The following MLANA variants were observed in gnomAD, a reference collection of about 807,000 sequenced individuals.
The protein encoded by MLANA is melanoma antigen recognized by T-cells 1.
MLANA carries 21 observed loss-of-function variants against 15.7 expected under a neutral mutation model. That is an observed-to-expected ratio of 1.33 (90% CI 0.95 to 1.92). The LOEUF (loss-of-function observed/expected upper bound fraction) is 1.92, where lower values mean the gene tolerates loss of function less well. Ranked by LOEUF, MLANA falls within the 40% of genes most tolerant of loss-of-function variation. The pLI, the probability that MLANA is intolerant of heterozygous loss-of-function variation, is 0.00. For synonymous variants in MLANA, 56 were observed against 51.5 expected (o/e 1.09, Z -0.37); for missense variants, 164 against 143.8 (o/e 1.14, Z -0.72).
chr9:5,901,062 T>G (rs772520116), intron 3 of MLANA, among the ~76,000 whole-genome samples: 2 of 151,990 alleles, frequency 1.3e-5, no homozygotes, highest in Non-Finnish European at 1.5e-5. Flanking sequence ...AGTTTTAATG[T>G]AAATACAGAG....
intron 2 of MLANA, among the ~76,000 whole-genome samples, chr9:5,896,167 G>C (rs1449139626): frequency 1.3e-5 from 2 of 152,208 alleles, no homozygotes; most frequent in African/African-American, 2.4e-5. Context: ...TGGTTGTGCA[G>C]CCCTGGGCAC....
At chr9:5,899,476 C>T (rs965913267) in intron 3 of MLANA, among the ~76,000 whole-genome samples, 1 of 152,152 alleles carries the variant, frequency 6.6e-6, no homozygotes, top group African/African-American at 2.4e-5. Context: ...ACCCACCGAG[C>T]ATAGCCCTCT....
At chr9:5,891,955 G>A (rs1174825429) in intron 1 of MLANA, among the ~76,000 whole-genome samples, 1 of 152,180 alleles carries the variant, frequency 6.6e-6, no homozygotes, top group Non-Finnish European at 1.5e-5. Flanking sequence ...CACAGGCAAC[G>A]GGTGCTCTGG....
chr9:5,904,783 T>TC (rs1443443024), intron 3 of MLANA, among the ~76,000 whole-genome samples: 2 of 151,268 alleles, frequency 1.3e-5, no homozygotes, highest in East Asian at 3.9e-4. Context: ...CTTCTTTTTT[T>TC]TTTTTTTTGA....
chr9:5,892,810 G>A (rs1831739313), intron 2 of MLANA, among the ~76,000 whole-genome samples: 2 of 152,106 alleles, frequency 1.3e-5, no homozygotes, highest in African/African-American at 4.8e-5. Flanking sequence ...TTGACTATTG[G>A]GTCTTATCTG....
intron 2 of MLANA, among the ~76,000 whole-genome samples, chr9:5,893,232 G>A (rs1159598702): frequency 6.6e-6 from 1 of 152,158 alleles, no homozygotes. Context: ...AAACCCAGAG[G>A]CTGCAGGGAC....
chr9:5,908,064 G>A (rs898638599), intron 4 of MLANA, among the ~76,000 whole-genome samples: 2 of 152,192 alleles, frequency 1.3e-5, no homozygotes, highest in African/African-American at 4.8e-5. Context: ...TGACTCTGGA[G>A]CCAAATTACT....
rs188201804 is a variant in MLANA at position 5,894,305 on chromosome 9, A to G, written c.77+1754A>G. 1.3e-5 allele frequency among the ~76,000 whole-genome samples: 2 copies of G among 152,270 alleles called. No homozygotes were observed. The highest frequency in any genetic ancestry group is 1.9e-4 in the East Asian group (1 of 5,168). ...GTCTAGTCAGGAAGAAACCAACTAG[A>G]TGGTTCAACATAGAGACTTTAATAT... is the stretch of plus-strand genomic sequence containing the variant. On this transcript the variant is annotated intron_variant, in intron 2 of 4. Transcript: ENST00000381477. The surrounding 1 kb of genome is among the most constrained non-coding windows in gnomAD (Gnocchi z 4.0).
intron 3 of MLANA, among the ~76,000 whole-genome samples, chr9:5,904,814 C>T (rs552732952): frequency 1.3e-5 from 2 of 150,678 alleles, no homozygotes; most frequent in African/African-American, 4.9e-5. Flanking sequence ...CACTCCGTTG[C>T]CCAGGCTGGA....
intron 3 of MLANA, among the ~76,000 whole-genome samples, chr9:5,904,645 G>T (rs1832679457): frequency 6.6e-6 from 1 of 152,004 alleles, no homozygotes; most frequent in Non-Finnish European, 1.5e-5. Flanking sequence ...TCTAATTTTT[G>T]TATTTTTAGT....
chr9:5,905,824 C>T (rs1832766898), intron 3 of MLANA, among the ~76,000 whole-genome samples: 1 of 152,222 alleles, frequency 6.6e-6, no homozygotes, highest in African/African-American at 2.4e-5. Context: ...AACCCAACCA[C>T]CTCAGGCACA....
rs1187610113 is a variant in MLANA at position 5,910,458 on chromosome 9, C to G, written c.*1750C>G. On this transcript the variant is annotated 3_prime_UTR_variant, in exon 5 of 5. Coordinates refer to ENST00000381477, the MANE Select transcript of MLANA (RefSeq NM_005511.2). Reference sequence around the variant, plus strand: ...AATAAGGCTTCCACCTCTCCCACTTCAAACAAATAAATGAATTCTAAACCA... The same window carrying G: ...AATAAGGCTTCCACCTCTCCCACTTGAAACAAATAAATGAATTCTAAACCA... The G allele has an allele frequency of 6.6e-6, 1 of 152,230 alleles. No homozygotes were observed. Among genetic ancestry groups the G allele is most frequent in the African/African-American group, 2.4e-5 (1 of 41,454 alleles). The allele number at this position is 152,230 out of a possible 1,614,324, so 9.4% of individuals were successfully genotyped here.
rs201402016 is a variant in MLANA at position 5,897,618 on chromosome 9, T to C, written c.139T>C (p.Tyr47His). 11 of 1,614,114 alleles carry C rather than the reference T, an allele frequency of 6.8e-6. No individual in the cohort carries two copies. In the Admixed American group the frequency reaches 1.0e-4, roughly 15 times the overall value. The change falls in exon 3 of 5, where the codon TAT (tyrosine) becomes CAT (histidine). Residue 47 changes from tyrosine (Y) to histidine (H), a missense_variant. Coordinates refer to ENST00000381477, the MANE Select transcript of MLANA (RefSeq NM_005511.2). ...LGVLLLIGCW[Y>H]CRRRNGYRAL... The stretch of plus-strand genomic sequence containing the variant: ...AGTCTTACTGCTCATCGGCTGTTGG[T>C]ATTGTAGAAGACGAAATGGATACAG...
chr9:5,908,753 A>G lies in MLANA; in HGVS notation c.*45A>G, dbSNP rs1187646760. ...GACATGCTGAAATTATTTCTCTCAC[A>G]CTTTTGCTTGAATTTAATACAGACA... is the stretch of plus-strand genomic sequence containing the variant. On this transcript the variant is annotated 3_prime_UTR_variant, in exon 5 of 5. Transcript: ENST00000381477. 7.0e-6 allele frequency: 11 copies of G among 1,560,668 alleles called. No individual in the cohort carries two copies. The highest frequency in any genetic ancestry group is 9.7e-6 in the Non-Finnish European group (11 of 1,132,146).
At chr9:5,899,247 G>A (rs577509166) in intron 3 of MLANA, 2 of 152,308 alleles carry the variant, frequency 1.3e-5, no homozygotes, top group African/African-American at 4.8e-5. Flanking sequence ...TCATTTAGAG[G>A]AAAAGGTCCT....
At position 5,909,022 on chromosome 9, in the gene MLANA, C is replaced by A. The variant is rs1404811494; in HGVS notation, c.*314C>A. The A allele has an allele frequency of 6.1e-6, 2 of 326,124 alleles. No homozygotes were observed. The highest frequency in any genetic ancestry group is 1.1e-5 in the Non-Finnish European group (2 of 176,698). The allele number at this position is 326,124 out of a possible 1,614,324, so 20.2% of individuals were successfully genotyped here. ...CAGAATTCAAGTGGGTATTCTGGGG[C>A]CATCCAATTTCTCTTTACTTGAAAT... On this transcript the variant is annotated 3_prime_UTR_variant, in exon 5 of 5. Transcript: ENST00000381477.
Position 5,909,680 on chromosome 9 carries a change from A to G in MLANA, c.*972A>G. 6.6e-6 allele frequency: 1 copy of G among 152,266 alleles called. No homozygotes were observed. Among genetic ancestry groups the G allele is most frequent in the East Asian group, 1.9e-4 (1 of 5,202 alleles). 9.4% of individuals were successfully genotyped at this position (152,266 alleles called of 1,614,324 possible). On this transcript the variant is annotated 3_prime_UTR_variant, in exon 5 of 5. Coordinates refer to ENST00000381477, the MANE Select transcript of MLANA (RefSeq NM_005511.2). ...ACCAGAAATTGGTAGAAGGATTTAAATAAGTAAAAGCTACTATGTACTGCC... is the reference window on the plus strand; with the variant it reads ...ACCAGAAATTGGTAGAAGGATTTAAGTAAGTAAAAGCTACTATGTACTGCC...
At chr9:5,901,576 T>C (rs1832429038) in intron 3 of MLANA, among the ~76,000 whole-genome samples, 1 of 152,158 alleles carries the variant, frequency 6.6e-6, no homozygotes, top group South Asian at 2.1e-4. Flanking sequence ...TGGAGTGCAG[T>C]GGCTCAATCT....
intron 3 of MLANA, among the ~76,000 whole-genome samples, chr9:5,905,729 C>A (rs1832761053): frequency 6.6e-6 from 1 of 152,218 alleles, no homozygotes; most frequent in South Asian, 2.1e-4. Flanking sequence ...CCTTTTCAGG[C>A]TGACCCAATG....
Sources: gnomAD v4.1 joint callset for allele counts (sites outside exome capture counted in the v4.1 genomes callset) on GRCh38, gnomAD v4.1.1 for gene constraint, Gnocchi (gnomAD v3.1) non-coding constraint, MANE v1.5 for transcripts, NCBI Gene and HGNC (gene_info 2026-07-23, HGNC 2026-07-21) for gene names.